Variants in ACACB observed in about 807,000 individuals in gnomAD.
The protein encoded by ACACB is acetyl-CoA carboxylase beta, also known as acetyl-CoA carboxylase 2.
In ACACB, 209 loss-of-function variants were observed where a neutral mutation model predicts 278.8. That is an observed-to-expected ratio of 0.75 (90% CI 0.67 to 0.84). ACACB has a LOEUF of 0.84. ACACB is among the 40% of genes least tolerant of loss of function. The pLI is 0.00. For synonymous variants in ACACB, 1,174 were observed against 1,285.6 expected, an observed-to-expected ratio of 0.91 and a Z score of 1.86; for missense variants, 2,850 against 3,269.0, an observed-to-expected ratio of 0.87 and a Z score of 3.13.
intron 27 of ACACB, among the ~76,000 whole-genome samples, chr12:109,224,523 A>T (rs2046262414): frequency 6.9e-6 from 1 of 145,104 alleles, no homozygotes; most frequent in African/African-American, 2.7e-5. Context: ...AGAGTTTTAA[A>T]TCTGCTCTTT....
At chr12:109,248,448 C>T (rs1195720222) in intron 40 of ACACB, among the ~76,000 whole-genome samples, 1 of 152,160 alleles carries the variant, frequency 6.6e-6, no homozygotes, top group Non-Finnish European at 1.5e-5. Flanking sequence ...CTAAAAGCCT[C>T]AAAAGTAGGG....
rs375629746 is a variant in ACACB, at chr12:109,265,344, C to T, written c.7114-45C>T. ...GGTGCTGGGGGCTGAGACAGCTGGC[C>T]CACAGCTGGGTCCCTCTCTGAGGCA... On this transcript the variant is annotated intron_variant, in intron 51 of 52. Coordinates refer to ENST00000338432, the MANE Select transcript of ACACB (RefSeq NM_001093.4). 4.3e-6 allele frequency: 7 copies of T among 1,610,726 alleles called. No homozygotes were observed. In the African/African-American group the frequency reaches 5.3e-5, roughly 12 times the overall value.
intron 37 of ACACB, among the ~76,000 whole-genome samples, chr12:109,243,145 T>C (rs1426954495): frequency 6.6e-6 from 1 of 152,212 alleles, no homozygotes; most frequent in Non-Finnish European, 1.5e-5. Context: ...TCCCACACTC[T>C]GATGACAAAT....
chr12:109,121,899 G>C (rs756242187), intron 1 of ACACB, among the ~76,000 whole-genome samples: 4 of 152,238 alleles, frequency 2.6e-5, no homozygotes, highest in Non-Finnish European at 5.9e-5. Flanking sequence ...TGAATGCAGA[G>C]AGTCAGGTCA....
intron 33 of ACACB, among the ~76,000 whole-genome samples, chr12:109,236,878 C>T (rs112097177): frequency 3.8e-4 from 57 of 151,992 alleles, no homozygotes; most frequent in African/African-American, 1.3e-3. Context: ...AGCCTGGTCA[C>T]GCTGGCAGGT....
intron 1 of ACACB, among the ~76,000 whole-genome samples, chr12:109,120,434 A>G (rs1053516410): frequency 6.6e-6 from 1 of 152,204 alleles, no homozygotes; most frequent in Non-Finnish European, 1.5e-5. Flanking sequence ...GAACCGTTTC[A>G]TTCCATGCCT....
rs758845885 is a variant in ACACB at position 109,232,832 on chromosome 12, C to G, written c.4139+26C>G. On this transcript the variant is annotated intron_variant, in intron 29 of 52. Coordinates refer to ENST00000338432, the MANE Select transcript of ACACB (RefSeq NM_001093.4). Reference sequence around the variant, plus strand: ...GTACCCAGCATGGCCCGGTCTCCAACACCCTGAGCATGGGGGCTGGGCAGA... The same window carrying G: ...GTACCCAGCATGGCCCGGTCTCCAAGACCCTGAGCATGGGGGCTGGGCAGA... 6 of 1,613,180 alleles carry G rather than the reference C, an allele frequency of 3.7e-6. No individual in the cohort carries two copies. The Admixed American group carries it at 5.0e-5, about 13-fold the overall frequency.
At chr12:109,233,247 T>C (rs1417160587) in intron 29 of ACACB, among the ~76,000 whole-genome samples, 1 of 152,256 alleles carries the variant, frequency 6.6e-6, no homozygotes, top group Non-Finnish European at 1.5e-5. Context: ...ATAATTAGTA[T>C]GCAGATAATA....
chr12:109,185,755 C>T lies in ACACB; in HGVS notation c.1980+15C>T. ...ACCCAGACGAGGCAAGTTATGGGGG[C>T]CCCTGTGTTTCCACCATCTCAGATC... On this transcript the variant is annotated intron_variant, in intron 12 of 52. Transcript: ENST00000338432. The T allele has an allele frequency of 1.3e-6, 2 of 1,599,762 alleles. No individual in the cohort carries two copies. Among genetic ancestry groups the T allele is most frequent in the South Asian group, 1.1e-5 (1 of 89,676 alleles).
chr12:109,134,730 C>T (rs762272108), intron 1 of ACACB, among the ~76,000 whole-genome samples: 3 of 152,184 alleles, frequency 2.0e-5, no homozygotes, highest in Non-Finnish European at 4.4e-5. Flanking sequence ...CAGAGATTCA[C>T]AACCAAAGGG....
At position 109,194,610 on chromosome 12, in the gene ACACB, CTGTGTGTGTGTGTGTG is replaced by C. The variant is rs144545047; in HGVS notation, c.2481+905_2481+920del. 7.3e-5 allele frequency among the ~76,000 whole-genome samples: 7 copies of C among 95,422 alleles called. No homozygotes were observed. In the South Asian group the frequency reaches 1.3e-3, roughly 18 times the overall value. 62.6% of individuals were successfully genotyped at this position (95,422 alleles called of 152,430 possible). ...ATGAGCCACCCCCTGGCCTCTGCCT[CTGTGTGTGTGTGTGTG>C]TGTGTGTGTGTGTGTGTGTGTGTTC... On this transcript the variant is annotated intron_variant, in intron 16 of 52. Transcript: ENST00000338432.
intron 13 of ACACB, 101 bp from the exon 14 acceptor site, chr12:109,191,512 C>T (rs1361720980): frequency 6.8e-7 from 1 of 1,468,540 alleles, no homozygotes; most frequent in Non-Finnish European, 9.3e-7. Context: ...CCACACCCGG[C>T]CACTCCTGTG....
chr12:109,234,072 G>A (rs773756399), intron 31 of ACACB, 27 bp downstream of exon 31: 34 of 1,560,260 alleles, frequency 2.2e-5, no homozygotes, highest in Non-Finnish European at 2.8e-5. Context: ...TCTGGTTTTG[G>A]TGGGGGTTCT....
At chr12:109,264,440 A>C in intron 50 of ACACB, 54 bp downstream of exon 50, 1 of 1,598,160 alleles carries the variant, frequency 6.3e-7, no homozygotes. Context: ...GTTTTCCAAA[A>C]CATGGAGGAC....
chr12:109,263,822 T>C (rs1375357113), intron 49 of ACACB: 1 of 157,130 alleles, frequency 6.4e-6, no homozygotes, highest in African/African-American at 2.4e-5. Context: ...GAGTTGCTTA[T>C]AATATTCCCT....
At chr12:109,173,616 C>T (rs1168199313) in intron 6 of ACACB, among the ~76,000 whole-genome samples, 1 of 152,228 alleles carries the variant, frequency 6.6e-6, no homozygotes. Context: ...CAAATCCAGC[C>T]TATGGCTTGC....
Position 109,265,217 on chromosome 12 carries a change from G to A in ACACB, c.7050G>A (p.Leu2350=), listed in dbSNP as rs1386087771. The A allele has an allele frequency of 2.5e-6, 4 of 1,613,560 alleles. No homozygotes were observed. The highest frequency in any genetic ancestry group is 4.5e-5 in the East Asian group (2 of 44,878). ...KQEILQASGE[L]SHVHIQSMLR... Reference sequence around the variant, plus strand: ...AGATCCTGCAGGCCAGCGGGGAGCTGAGTCACGTGCATATCCAGTCCATGC... The same window carrying A: ...AGATCCTGCAGGCCAGCGGGGAGCTAAGTCACGTGCATATCCAGTCCATGC... The change falls in exon 51 of 53, where the codon CTG becomes CTA. Residue 2350 remains leucine (L), a synonymous_variant. Coordinates refer to ENST00000338432, the MANE Select transcript of ACACB (RefSeq NM_001093.4).
chr12:109,206,431 A>AAAAAAAAAAAAAAAAC (rs2045513856), intron 19 of ACACB, among the ~76,000 whole-genome samples: 1 of 150,768 alleles, frequency 6.6e-6, no homozygotes, highest in Non-Finnish European at 1.5e-5. Context: ...AGTGTCTCAA[A>AAAAAAAAAAAAAAAAC]AAAAAAAAAA....
intron 28 of ACACB, among the ~76,000 whole-genome samples, chr12:109,231,099 C>T (rs1212135778): frequency 6.6e-6 from 1 of 151,968 alleles, no homozygotes; most frequent in African/African-American, 2.4e-5. Context: ...TAGAGCCAGG[C>T]ACATGGTGCT....
Sources: gnomAD v4.1 joint callset for allele counts (sites outside exome capture counted in the v4.1 genomes callset) on GRCh38, gnomAD v4.1.1 for gene constraint, MANE v1.5 for transcripts, NCBI Gene and HGNC (gene_info 2026-07-23, HGNC 2026-07-21) for gene names.